Variants in PPARA observed in about 807,000 individuals in gnomAD.
PPARA encodes the protein peroxisome proliferator-activated receptor alpha.
In PPARA, 22 loss-of-function variants were observed where a neutral mutation model predicts 42.2. The ratio of observed to expected loss-of-function variants is 0.52; its 90% CI spans 0.37 to 0.74. PPARA has a LOEUF of 0.74. Ranked by LOEUF, PPARA falls within the 30% of genes least tolerant of loss-of-function variation. The pLI is 0.00. For synonymous variants in PPARA, 242 were observed against 239.3 expected (o/e 1.01, Z -0.10); for missense variants, 465 against 608.2 (o/e 0.76, Z 2.48).
At chr22:46,172,318 TAAAA>T (rs35328780) in intron 2 of PPARA, among the ~76,000 whole-genome samples, 141 of 119,562 alleles carry the variant, frequency 1.2e-3, no homozygotes, top group African/African-American at 3.2e-3. Flanking sequence ...TGCAAGTAAT[TAAAA>T]AAAAAAAAAA....
rs1266355986 is a variant in PPARA at position 46,173,256 on chromosome 22, T to A, written c.-126-3497T>A. ...AACAGTTATGTTTTTAGTTTTCTTT[T>A]ATTTGTTGTGTTGAATAGGAATGTA... On this transcript the variant is annotated intron_variant, in intron 2 of 8. Coordinates refer to ENST00000407236, the MANE Select transcript of PPARA (RefSeq NM_005036.6). This position sits in a 1 kb window ranked among gnomAD's most constrained non-coding sequence, Gnocchi z 4.3. Among the ~76,000 whole-genome samples, 2 of 152,238 alleles carry A rather than the reference T, an allele frequency of 1.3e-5. No homozygotes were observed. The highest frequency in any genetic ancestry group is 2.9e-5 in the Non-Finnish European group (2 of 68,042).
At chr22:46,199,237 T>C (rs1443678773) in intron 4 of PPARA, among the ~76,000 whole-genome samples, 1 of 152,072 alleles carries the variant, frequency 6.6e-6, no homozygotes, top group Non-Finnish European at 1.5e-5. Context: ...AGAGGTACTG[T>C]TGGTAAGAGG....
Position 46,235,608 on chromosome 22 carries a change from G to A in PPARA, c.*228G>A. On this transcript the variant is annotated 3_prime_UTR_variant, in exon 9 of 9. Coordinates refer to ENST00000407236, the MANE Select transcript of PPARA (RefSeq NM_005036.6). This position sits in a 1 kb window ranked among gnomAD's most constrained non-coding sequence, Gnocchi z 7.0. ...GGGTAGGTGGCTAATCTCAGGACTG[G>A]GAAGATTACGGCGAATTATGCTCAA... The A allele has an allele frequency of 5.2e-6, 3 of 573,208 alleles. No homozygotes were observed. The South Asian group carries it at 6.0e-5, about 11-fold the overall frequency. 35.5% of individuals were successfully genotyped at this position (573,208 alleles called of 1,614,324 possible).
rs1483826813 is a variant in PPARA, at chr22:46,204,168, C to G, written c.208+5577C>G. On this transcript the variant is annotated intron_variant, in intron 4 of 8. Coordinates refer to ENST00000407236, the MANE Select transcript of PPARA (RefSeq NM_005036.6). The surrounding 1 kb of genome is among the most constrained non-coding windows in gnomAD (Gnocchi z 5.2). Reference sequence around the variant, plus strand: ...TCTGCAGAATGGCTGTGAGACTCATCTGCATTGCAGCAAGCATCAATAGTT... The same window carrying G: ...TCTGCAGAATGGCTGTGAGACTCATGTGCATTGCAGCAAGCATCAATAGTT... Among the ~76,000 whole-genome samples the G allele has an allele frequency of 6.6e-6, 1 of 152,236 alleles. No homozygotes were observed. Among genetic ancestry groups the G allele is most frequent in the Non-Finnish European group, 1.5e-5 (1 of 68,044 alleles).
intron 5 of PPARA, among the ~76,000 whole-genome samples, chr22:46,217,221 C>T (rs1934572251): frequency 6.6e-6 from 1 of 152,150 alleles, no homozygotes; most frequent in Non-Finnish European, 1.5e-5. Context: ...TCTCACATTC[C>T]CCTGCACACT....
intron 3 of PPARA, among the ~76,000 whole-genome samples, chr22:46,185,359 C>T (rs895360220): frequency 6.6e-6 from 1 of 152,102 alleles, no homozygotes; most frequent in African/African-American, 2.4e-5. Flanking sequence ...CTGCATGGCT[C>T]TCATCAGAAC....
Position 46,240,263 on chromosome 22 carries a change from C to A in PPARA, c.*4883C>A, listed in dbSNP as rs1936337560. On this transcript the variant is annotated 3_prime_UTR_variant, in exon 9 of 9. Coordinates refer to ENST00000407236, the MANE Select transcript of PPARA (RefSeq NM_005036.6). This position sits in a 1 kb window ranked among gnomAD's most constrained non-coding sequence, Gnocchi z 6.0. ...GCTGTTTGAGGGGGTAACAGCAAAT[C>A]AGCCTCCATTTTAAAATGAAAACAC... The A allele has an allele frequency of 5.0e-6, 2 of 398,548 alleles. No individual in the cohort carries two copies. The highest frequency in any genetic ancestry group is 4.1e-5 in the African/African-American group (2 of 48,632). The allele number at this position is 398,548 out of a possible 1,614,324, so 24.7% of individuals were successfully genotyped here.
rs1932169702 is a variant in PPARA, at chr22:46,195,835, C to T, written c.-42-2507C>T. On this transcript the variant is annotated intron_variant, in intron 3 of 8. Coordinates refer to ENST00000407236, the MANE Select transcript of PPARA (RefSeq NM_005036.6). The surrounding 1 kb of genome is among the most constrained non-coding windows in gnomAD (Gnocchi z 4.6). ...CTCTCCGTGGTGTGCGCCGTGGGCA[C>T]CATGTGACCATTTTCAGAAAGGAAG... 6.6e-6 allele frequency among the ~76,000 whole-genome samples: 1 copy of T among 152,076 alleles called. No individual in the cohort carries two copies. Among genetic ancestry groups the T allele is most frequent in the Non-Finnish European group, 1.5e-5 (1 of 68,012 alleles).
Position 46,231,220 on chromosome 22 carries a change from A to AT in PPARA, c.712-556dup, listed in dbSNP as rs1240772516. Among the ~76,000 whole-genome samples, 2,025 of 129,930 alleles carry AT rather than the reference A, an allele frequency of 0.016. 35 individuals are homozygous for AT. The highest frequency in any genetic ancestry group is 0.057 in the Middle Eastern group (13 of 230). 85.2% of individuals were successfully genotyped at this position (129,930 alleles called of 152,430 possible). On this transcript the variant is annotated intron_variant, in intron 7 of 8. Coordinates refer to ENST00000407236, the MANE Select transcript of PPARA (RefSeq NM_005036.6). The surrounding 1 kb of genome is among the most constrained non-coding windows in gnomAD (Gnocchi z 7.7). ...TACAGGCACACACTATGCCTGGCTA[A>AT]TTTTTTTTTTTTTTTTGAGACGGAG...
intron 6 of PPARA, among the ~76,000 whole-genome samples, chr22:46,218,835 CAA>C (rs749022835): frequency 3.3e-4 from 23 of 69,206 alleles, no homozygotes; most frequent in Admixed American, 5.0e-4. Context: ...TTCCGTCTCA[CAA>C]AAAAAAAAAA....
chr22:46,203,947 G>A lies in PPARA; in HGVS notation c.208+5356G>A, dbSNP rs1017632461. Among the ~76,000 whole-genome samples, 7 of 152,186 alleles carry A rather than the reference G, an allele frequency of 4.6e-5. No homozygotes were observed. The highest frequency in any genetic ancestry group is 1.0e-4 in the Non-Finnish European group (7 of 68,044). ...TCTCTGCCTCCTGCATCTATCAGTA[G>A]TGCCTCTGTCTGTCACCCCTAAAGT... On this transcript the variant is annotated intron_variant, in intron 4 of 8. Coordinates refer to ENST00000407236, the MANE Select transcript of PPARA (RefSeq NM_005036.6). The surrounding 1 kb of genome is among the most constrained non-coding windows in gnomAD (Gnocchi z 5.8).
chr22:46,177,061 A>T (rs912450523), intron 3 of PPARA, among the ~76,000 whole-genome samples: 1 of 152,096 alleles, frequency 6.6e-6, no homozygotes, highest in Non-Finnish European at 1.5e-5. Context: ...ATACAAAAAA[A>T]TTAGCCGGGC....
chr22:46,218,131 G>A (rs1312387425), intron 5 of PPARA, 132 bp from the exon 6 acceptor site: 1 of 1,251,462 alleles, frequency 8.0e-7, no homozygotes, highest in Non-Finnish European at 1.1e-6. Context: ...TGCCTGGCCT[G>A]GAATAACTTT....
rs754566173 is a variant in PPARA, at chr22:46,203,718, A to G, written c.208+5127A>G. Among the ~76,000 whole-genome samples, 5 of 152,226 alleles carry G rather than the reference A, an allele frequency of 3.3e-5. No individual in the cohort carries two copies. The highest frequency in any genetic ancestry group is 7.3e-5 in the Non-Finnish European group (5 of 68,032). Reference sequence around the variant, plus strand: ...CAGACTGATTAGCAGGCCACCACACATGAGCTGGAGGCCAGGCTCCTCCCG... The same window carrying G: ...CAGACTGATTAGCAGGCCACCACACGTGAGCTGGAGGCCAGGCTCCTCCCG... On this transcript the variant is annotated intron_variant, in intron 4 of 8. Transcript: ENST00000407236. This position sits in a 1 kb window ranked among gnomAD's most constrained non-coding sequence, Gnocchi z 5.8.
chr22:46,168,938 A>G (rs894072340), intron 2 of PPARA, among the ~76,000 whole-genome samples: 2 of 152,014 alleles, frequency 1.3e-5, no homozygotes, highest in Admixed American at 1.3e-4. Context: ...AAAAAGCTAT[A>G]TACTGTCTGC....
chr22:46,208,737 C>T (rs1169559713), intron 4 of PPARA, among the ~76,000 whole-genome samples: 1 of 152,072 alleles, frequency 6.6e-6, no homozygotes, highest in Non-Finnish European at 1.5e-5. Flanking sequence ...ACCACCATTC[C>T]ACTCTCTACT....
chr22:46,207,680 T>A (rs8140236), intron 4 of PPARA, among the ~76,000 whole-genome samples: 2,098 of 94,652 alleles, frequency 0.022, 8 homozygotes, highest in East Asian at 0.038. Context: ...TATTATTATT[T>A]TTTTTTTTTT....
At chr22:46,206,736 T>C (rs1413226758) in intron 4 of PPARA, among the ~76,000 whole-genome samples, 1 of 152,216 alleles carries the variant, frequency 6.6e-6, no homozygotes, top group Admixed American at 6.5e-5. Context: ...GAAAAATTTT[T>C]TACATTTACC....
rs1935756992 is a variant in PPARA, at chr22:46,230,009, G to T, written c.712-1783G>T. Among the ~76,000 whole-genome samples the T allele has an allele frequency of 6.6e-6, 1 of 152,206 alleles. No homozygotes were observed. Among genetic ancestry groups the T allele is most frequent in the African/African-American group, 2.4e-5 (1 of 41,452 alleles). On this transcript the variant is annotated intron_variant, in intron 7 of 8. Transcript: ENST00000407236. The surrounding 1 kb of genome is among the most constrained non-coding windows in gnomAD (Gnocchi z 5.0). ...GTCAGTGGTTGTGTTTTGCCCACTG[G>T]CAGGGGGCATTCTTTAAATCCTGGG...
Sources: allele counts gnomAD v4.1 joint callset (sites outside exome capture counted in the v4.1 genomes callset), GRCh38; gene constraint gnomAD v4.1.1; non-coding constraint Gnocchi (gnomAD v3.1); transcripts MANE v1.5; gene names NCBI Gene and HGNC (gene_info 2026-07-23, HGNC 2026-07-21).